The following FRRS1 variants were observed in gnomAD, a reference collection of about 807,000 sequenced individuals.
FRRS1 encodes the protein ferric chelate reductase 1, also known as ferric reductase 1.
In FRRS1, 51 loss-of-function variants were observed where a neutral mutation model predicts 70.7. The observed-to-expected ratio is 0.72, with a 90% confidence interval of 0.58 to 0.91. The LOEUF (loss-of-function observed/expected upper bound fraction) is 0.91. Among genes scored for constraint, FRRS1 ranks in the 40% least tolerant of loss-of-function variants. The probability of loss-of-function intolerance (pLI) is 0.00; values close to 1 mark genes in which losing one functional copy is unlikely to be tolerated. For missense variants in FRRS1, 672 were observed against 726.0 expected (o/e 0.93, Z 0.86); for synonymous variants, 225 against 238.7 (o/e 0.94, Z 0.53).
chr1:99,730,149 A>T (rs1655280904), intron 7 of FRRS1, among the ~76,000 whole-genome samples: 1 of 152,166 alleles, frequency 6.6e-6, no homozygotes. Context: ...ACTTACCATA[A>T]ACAATACTCC....
rs1265276725 is a variant in FRRS1, at chr1:99,748,599, G to A, written c.170C>T (p.Thr57Ile). The A allele has an allele frequency of 6.2e-7, 1 of 1,613,864 alleles. No individual in the cohort carries two copies. The highest frequency in any genetic ancestry group is 8.5e-7 in the Non-Finnish European group (1 of 1,179,908). Reference sequence around the variant, plus strand: ...TTCAATCTGATCTCCTGGCCTGAATGTCATCTGACTCACGTAAATGTCATG... The same window carrying A: ...TTCAATCTGATCTCCTGGCCTGAATATCATCTGACTCACGTAAATGTCATG... Reference protein sequence around the residue: ...PVHDIYVSQMTFRPGDQIEVT... With the variant: ...PVHDIYVSQMIFRPGDQIEVT... Residue 57 changes from threonine (T) to isoleucine (I), a missense_variant, in exon 3 of 17, where the codon ACA becomes ATA. By Grantham distance (89) the Thr-to-Ile change is moderately conservative. Coordinates refer to ENST00000646001, the MANE Select transcript of FRRS1 (RefSeq NM_001361041.2).
intron 7 of FRRS1, among the ~76,000 whole-genome samples, chr1:99,733,154 G>A (rs897246313): frequency 7.2e-5 from 11 of 152,066 alleles, no homozygotes; most frequent in Admixed American, 3.9e-4. Context: ...CAGCCAAGAC[G>A]ATCTTAAATG....
At chr1:99,724,572 A>C (rs1428851864) in intron 9 of FRRS1, among the ~76,000 whole-genome samples, 1 of 152,238 alleles carries the variant, frequency 6.6e-6, no homozygotes, top group Non-Finnish European at 1.5e-5. Context: ...AGCTTTGAAA[A>C]TTGGCTTAAA....
intron 1 of FRRS1, among the ~76,000 whole-genome samples, chr1:99,754,608 C>A (rs1319005403): frequency 3.3e-5 from 5 of 152,054 alleles, no homozygotes; most frequent in Non-Finnish European, 7.4e-5. Flanking sequence ...TAATGGATAT[C>A]CATAGACTAT....
At position 99,733,757 on chromosome 1, in the gene FRRS1, C is replaced by T. The variant is rs558720316; in HGVS notation, c.760-4009G>A. ...AGTTAGAAGATCACCATTTTGCAAC[C>T]ACAAATGTAACAATTGATTCATAGG... is the stretch of plus-strand genomic sequence containing the variant. On this transcript the variant is annotated intron_variant, in intron 7 of 16. Coordinates refer to ENST00000646001, the MANE Select transcript of FRRS1 (RefSeq NM_001361041.2). 3.9e-5 allele frequency among the ~76,000 whole-genome samples: 6 copies of T among 152,248 alleles called. No homozygotes were observed. The South Asian group carries it at 1.2e-3, about 32-fold the overall frequency.
intron 12 of FRRS1, among the ~76,000 whole-genome samples, chr1:99,714,955 G>A (rs1654448174): frequency 6.6e-6 from 1 of 152,130 alleles, no homozygotes; most frequent in Non-Finnish European, 1.5e-5. Flanking sequence ...TTGGGAATAA[G>A]CATCAGTTTC....
chr1:99,718,392 G>A (rs770065491), intron 10 of FRRS1, among the ~76,000 whole-genome samples: 3 of 152,038 alleles, frequency 2.0e-5, no homozygotes, highest in Non-Finnish European at 4.4e-5. Context: ...GCAGTGGTGC[G>A]ATCTCAGCTC....
chr1:99,744,331 G>C (rs894168293), intron 4 of FRRS1, among the ~76,000 whole-genome samples: 3 of 152,156 alleles, frequency 2.0e-5, no homozygotes, highest in African/African-American at 7.2e-5. Context: ...ACCAGCAAAG[G>C]ATAGTTTGAT....
chr1:99,754,638 C>T (rs1317357739), intron 1 of FRRS1, among the ~76,000 whole-genome samples: 1 of 152,168 alleles, frequency 6.6e-6, no homozygotes, highest in East Asian at 1.9e-4. Context: ...CAACAGAATA[C>T]ACGTTCCTCT....
intron 1 of FRRS1, among the ~76,000 whole-genome samples, chr1:99,752,673 G>A (rs1247779535): frequency 1.3e-5 from 2 of 152,220 alleles, no homozygotes; most frequent in Admixed American, 6.5e-5. Context: ...CATTTTGGGA[G>A]GCCAAGTTGG....
At chr1:99,758,518 C>G (rs751635566) in intron 1 of FRRS1, among the ~76,000 whole-genome samples, 6 of 152,304 alleles carry the variant, frequency 3.9e-5, no homozygotes, top group Non-Finnish European at 8.8e-5. Flanking sequence ...TGTCTTTAAT[C>G]TCTTAATCCT....
Position 99,717,328 on chromosome 1 carries a change from C to T in FRRS1, c.1236+82G>A, listed in dbSNP as rs6696586. The T allele has an allele frequency of 0.34, 312,260 of 918,468 alleles. 56,116 individuals carry two copies. The highest frequency in any genetic ancestry group is 0.51 in the African/African-American group (31,637 of 61,762). The allele number at this position is 918,468 out of a possible 1,614,324, so 56.9% of individuals were successfully genotyped here. A position where few individuals can be genotyped will look rare whatever the true frequency, so the allele number is the denominator to read the frequency against. On this transcript the variant is annotated intron_variant, in intron 11 of 16. Transcript: ENST00000646001. ...CAACTGCAACCACAAAACGCATACA[C>T]ATACACACATACTTCATATGTTTTC... is the stretch of plus-strand genomic sequence containing the variant.
At chr1:99,722,927 G>A (rs1425694238) in intron 9 of FRRS1, among the ~76,000 whole-genome samples, 2 of 152,006 alleles carry the variant, frequency 1.3e-5, no homozygotes, top group Non-Finnish European at 2.9e-5. Context: ...AAAAATCCAA[G>A]ATAATCAACT....
At chr1:99,727,609 G>T (rs1157032906) in intron 9 of FRRS1, among the ~76,000 whole-genome samples, 1 of 152,168 alleles carries the variant, frequency 6.6e-6, no homozygotes, top group Non-Finnish European at 1.5e-5. Flanking sequence ...TTCACAATTT[G>T]CCTGTATCAC....
At chr1:99,743,715 A>G (rs1434245678) in intron 4 of FRRS1, among the ~76,000 whole-genome samples, 2 of 152,102 alleles carry the variant, frequency 1.3e-5, no homozygotes, top group Non-Finnish European at 2.9e-5. Context: ...CACTCAGCTA[A>G]TTTTTGTATT....
chr1:99,733,709 A>C (rs1047272186), intron 7 of FRRS1, among the ~76,000 whole-genome samples: 1 of 152,258 alleles, frequency 6.6e-6, no homozygotes, highest in African/African-American at 2.4e-5. Flanking sequence ...TCGTATTTTC[A>C]TAAGAATGCC....
In FRRS1 at chr1:99,710,646, A is replaced by AT. The variant is rs1311666996; in HGVS notation, c.1624+159_1624+160insA. Among the ~76,000 whole-genome samples the AT allele has an allele frequency of 4.6e-5, 7 of 152,258 alleles. No homozygotes were observed. In the East Asian group the frequency reaches 1.3e-3, roughly 29 times the overall value. On this transcript the variant is annotated intron_variant, in intron 15 of 16. Transcript: ENST00000646001. ...TTCTAATAGTAACAAATGTAAAAAA[A>AT]CAAAGGCAGAAAATCACAATTTCTA...
At chr1:99,747,533 G>A (rs1656341197) in intron 3 of FRRS1, 103 bp from the exon 4 acceptor site, 1 of 1,051,472 alleles carries the variant, frequency 9.5e-7, no homozygotes. Flanking sequence ...ATATGCAAAA[G>A]TACTCCTGGA....
At position 99,715,534 on chromosome 1, in the gene FRRS1, G is replaced by A. The variant is rs1654474842; in HGVS notation, c.1323+52C>T. The A allele has an allele frequency of 2.9e-6, 3 of 1,022,114 alleles. No individual in the cohort carries two copies. In the Admixed American group the frequency reaches 5.4e-5, roughly 19 times the overall value. The allele number at this position is 1,022,114 out of a possible 1,614,324, so 63.3% of individuals were successfully genotyped here. A position where few individuals can be genotyped will look rare whatever the true frequency, so the allele number is the denominator to read the frequency against. ...TCATTTGAAAATAAAACAGCAATCT[G>A]TTTTGACATAAAATGGATTTATAAA... On this transcript the variant is annotated intron_variant, in intron 12 of 16. Transcript: ENST00000646001.
Sources: gnomAD v4.1 joint callset for allele counts (sites outside exome capture counted in the v4.1 genomes callset) on GRCh38, gnomAD v4.1.1 for gene constraint, MANE v1.5 for transcripts, NCBI Gene and HGNC (gene_info 2026-07-23, HGNC 2026-07-21) for gene names.